The following TINAGL1 variants were observed in gnomAD, a reference collection of about 807,000 sequenced individuals.
TINAGL1 encodes the protein tubulointerstitial nephritis antigen like 1.
Under a neutral mutation model 62.0 loss-of-function variants are expected in TINAGL1, and 34 were observed. The ratio of observed to expected loss-of-function variants is 0.55; its 90% confidence interval spans 0.42 to 0.73. TINAGL1 has a LOEUF of 0.73. Ranked by LOEUF, TINAGL1 falls within the 30% of genes least tolerant of loss-of-function variation. The probability of loss-of-function intolerance (pLI) is 0.00; values close to 1 mark genes in which losing one functional copy is unlikely to be tolerated. For synonymous variants in TINAGL1, 221 were observed against 249.7 expected, an observed-to-expected ratio of 0.88 and a Z score of 1.08; for missense variants, 516 against 653.2, an observed-to-expected ratio of 0.79 and a Z score of 2.29.
At position 31,583,307 on chromosome 1, in the gene TINAGL1, T is replaced by C; in HGVS notation, c.467+66T>C. Reference sequence around the variant, plus strand: ...TACTCATGCATGTATACACGCATGCTGTGCTGTGGGGCACGTCCAGCAGGC... The same window carrying C: ...TACTCATGCATGTATACACGCATGCCGTGCTGTGGGGCACGTCCAGCAGGC... On this transcript the variant is annotated intron_variant, in intron 4 of 11. Transcript: ENST00000271064. This position sits in a 1 kb window ranked among gnomAD's most constrained non-coding sequence, Gnocchi z 4.4. 1 of 1,543,448 alleles carries C rather than the reference T, an allele frequency of 6.5e-7. No individual in the cohort carries two copies. Among genetic ancestry groups the C allele is most frequent in the Non-Finnish European group, 9.0e-7 (1 of 1,116,772 alleles).
In TINAGL1 at chr1:31,585,293, AACAATGACATCT is replaced by A; in HGVS notation, c.1003_1014del (p.Asn335_Tyr338del). 6.2e-7 allele frequency: 1 copy of A among 1,612,232 alleles called. No homozygotes were observed. The highest frequency in any genetic ancestry group is 8.5e-7 in the Non-Finnish European group (1 of 1,179,006). Reference sequence around the variant, plus strand: ...CCACTGCCCCAACAGCTATGTTAATAACAATGACATCTACCAGGTCACTCCTGTCTACCGCCT... The same window carrying A: ...CCACTGCCCCAACAGCTATGTTAATAACCAGGTCACTCCTGTCTACCGCCT... On this transcript the variant is annotated inframe_deletion, in exon 8 of 12. Coordinates refer to ENST00000271064, the MANE Select transcript of TINAGL1 (RefSeq NM_022164.3). This position sits in a 1 kb window ranked among gnomAD's most constrained non-coding sequence, Gnocchi z 4.3.
chr1:31,580,634 G>A, intron 3 of TINAGL1: 1 of 1,289,370 alleles, frequency 7.8e-7, no homozygotes, highest in Non-Finnish European at 1.0e-6. Flanking sequence ...CAGCCATACT[G>A]GGTCTTGGCT....
rs1248844868 is a variant in TINAGL1, at chr1:31,584,709, C to T, written c.614C>T (p.Thr205Ile). Residue 205 changes from threonine (T) to isoleucine (I), a missense_variant, in exon 6 of 12, where the codon ACA (threonine) becomes ATA (isoleucine). Physicochemically the swap from Thr to Ile is moderately conservative, Grantham distance 89. Transcript: ENST00000271064. This position sits in a 1 kb window ranked among gnomAD's most constrained non-coding sequence, Gnocchi z 4.0. ...CTGAACCCAGGGGAGGTGCTTCCCA[C>T]AGCCTTCGAGGCCTCTGAGAAGTGG... is the stretch of plus-strand genomic sequence containing the variant. ...TVLNPGEVLP[T>I]AFEASEKWPN... is the part of the protein sequence containing the mutation. The T allele has an allele frequency of 6.2e-7, 1 of 1,614,090 alleles. No homozygotes were observed. Among genetic ancestry groups the T allele is most frequent in the Admixed American group, 1.7e-5 (1 of 60,028 alleles).
chr1:31,587,121 TC>T lies in TINAGL1; in HGVS notation c.*144del. 1 of 1,243,868 alleles carries T rather than the reference TC, an allele frequency of 8.0e-7. No individual in the cohort carries two copies. The highest frequency in any genetic ancestry group is 1.0e-6 in the Non-Finnish European group (1 of 980,636). The allele number at this position is 1,243,868 out of a possible 1,614,324, so 77.1% of individuals were successfully genotyped here. A position where few individuals can be genotyped will look rare whatever the true frequency, so the allele number is the denominator to read the frequency against. On this transcript the variant is annotated 3_prime_UTR_variant, in exon 12 of 12. Transcript: ENST00000271064. The stretch of plus-strand genomic sequence containing the variant: ...CCAGGGCGCTAATCCCGGCGCGGGT[TC>T]CGCTGACGCAGCGCCCCGCCTGGGA...
chr1:31,586,743 G>A lies in TINAGL1; in HGVS notation c.1251G>A (p.Thr417=). ...AGGAGACGCTGCCAGATGGAAGGAC[G>A]CTCAAATACTGGGTGAGGCCGCTGA... is the stretch of plus-strand genomic sequence containing the variant. The part of the protein sequence containing the change: ...WGEETLPDGR[T]LKYWTAANSW... Residue 417 remains threonine (T), a synonymous_variant, in exon 11 of 12, where the codon ACG becomes ACA. Coordinates refer to ENST00000271064, the MANE Select transcript of TINAGL1 (RefSeq NM_022164.3). 1.9e-6 allele frequency: 3 copies of A among 1,555,222 alleles called. No homozygotes were observed. The highest frequency in any genetic ancestry group is 2.4e-5 in the South Asian group (2 of 84,232).
rs145163584 is a variant in TINAGL1, at chr1:31,583,550, C to T, written c.557C>T (p.Ser186Leu). ...CTGGGCACCATCCGCCCATCTTCCTCGGTCATGAACATGCATGAAATTTAT... is the reference window on the plus strand; with the variant it reads ...CTGGGCACCATCCGCCCATCTTCCTTGGTCATGAACATGCATGAAATTTAT... Reference protein sequence around the residue: ...YRLGTIRPSSSVMNMHEIYTV... With the variant: ...YRLGTIRPSSLVMNMHEIYTV... The change falls in exon 5 of 12, where the codon TCG becomes TTG. Residue 186 changes from serine to leucine, a missense_variant. Coordinates refer to ENST00000271064, the MANE Select transcript of TINAGL1 (RefSeq NM_022164.3). This position sits in a 1 kb window ranked among gnomAD's most constrained non-coding sequence, Gnocchi z 4.4. 410 of 1,613,612 alleles carry T rather than the reference C, an allele frequency of 2.5e-4. No individual in the cohort carries two copies. The highest frequency in any genetic ancestry group is 3.1e-4 in the Non-Finnish European group (366 of 1,179,944).
rs138221549 is a variant in TINAGL1, at chr1:31,584,716, C to T, written c.621C>T (p.Phe207=). 1.1e-5 allele frequency: 17 copies of T among 1,614,026 alleles called. No individual in the cohort carries two copies. The highest frequency in any genetic ancestry group is 2.7e-5 in the African/African-American group (2 of 74,948). Residue 207 remains phenylalanine, a synonymous_variant, in exon 6 of 12, where the codon TTC becomes TTT. Coordinates refer to ENST00000271064, the MANE Select transcript of TINAGL1 (RefSeq NM_022164.3). This position sits in a 1 kb window ranked among gnomAD's most constrained non-coding sequence, Gnocchi z 4.0. ...CAGGGGAGGTGCTTCCCACAGCCTT[C>T]GAGGCCTCTGAGAAGTGGCCCAACC... ...LNPGEVLPTA[F]EASEKWPNLI...
In TINAGL1 at chr1:31,584,710, A is replaced by T; in HGVS notation, c.615A>T (p.Thr205=). 6.2e-7 allele frequency: 1 copy of T among 1,614,108 alleles called. No homozygotes were observed. Among genetic ancestry groups the T allele is most frequent in the South Asian group, 1.1e-5 (1 of 91,082 alleles). The change falls in exon 6 of 12, where the codon ACA becomes ACT. Residue 205 remains threonine, a synonymous_variant. Transcript: ENST00000271064. The surrounding 1 kb of genome is among the most constrained non-coding windows in gnomAD (Gnocchi z 4.0). ...TVLNPGEVLP[T]AFEASEKWPN... ...TGAACCCAGGGGAGGTGCTTCCCAC[A>T]GCCTTCGAGGCCTCTGAGAAGTGGC...
Position 31,583,798 on chromosome 1 carries a change from A to G in TINAGL1, c.582+223A>G, listed in dbSNP as rs568933422. On this transcript the variant is annotated intron_variant, in intron 5 of 11. Coordinates refer to ENST00000271064, the MANE Select transcript of TINAGL1 (RefSeq NM_022164.3). The surrounding 1 kb of genome is among the most constrained non-coding windows in gnomAD (Gnocchi z 4.4). ...TCAGATTGAATTTCGTGGTCTTGGCATCAGCTCCCCCCTGATCTCTCCAGC... is the reference window on the plus strand; with the variant it reads ...TCAGATTGAATTTCGTGGTCTTGGCGTCAGCTCCCCCCTGATCTCTCCAGC... The G allele has an allele frequency of 3.5e-6, 2 of 571,136 alleles. No homozygotes were observed. Among genetic ancestry groups the G allele is most frequent in the Admixed American group, 3.0e-5 (1 of 33,772 alleles). The allele number at this position is 571,136 out of a possible 1,614,324, so 35.4% of individuals were successfully genotyped here. A position where few individuals can be genotyped will look rare whatever the true frequency, so the allele number is the denominator to read the frequency against.
intron 3 of TINAGL1, among the ~76,000 whole-genome samples, chr1:31,581,606 T>A (rs1275156796): frequency 6.6e-6 from 1 of 152,114 alleles, no homozygotes; most frequent in African/African-American, 2.4e-5. Flanking sequence ...TGTCAGAAGG[T>A]CAGTGGGATA....
In TINAGL1 at chr1:31,583,805, C is replaced by T. The variant is rs1032914233; in HGVS notation, c.582+230C>T. 1.8e-6 allele frequency: 1 copy of T among 554,082 alleles called. No homozygotes were observed. Among genetic ancestry groups the T allele is most frequent in the Non-Finnish European group, 3.3e-6 (1 of 307,152 alleles). 34.3% of individuals were successfully genotyped at this position (554,082 alleles called of 1,614,324 possible). On this transcript the variant is annotated intron_variant, in intron 5 of 11. Coordinates refer to ENST00000271064, the MANE Select transcript of TINAGL1 (RefSeq NM_022164.3). The surrounding 1 kb of genome is among the most constrained non-coding windows in gnomAD (Gnocchi z 4.4). Reference sequence around the variant, plus strand: ...GAATTTCGTGGTCTTGGCATCAGCTCCCCCCTGATCTCTCCAGCCTGGGAA... The same window carrying T: ...GAATTTCGTGGTCTTGGCATCAGCTTCCCCCTGATCTCTCCAGCCTGGGAA...
chr1:31,577,633 G>A lies in TINAGL1; in HGVS notation c.310+175G>A, dbSNP rs1639025289. 1.4e-6 allele frequency: 1 copy of A among 717,578 alleles called. No homozygotes were observed. 44.5% of individuals were successfully genotyped at this position (717,578 alleles called of 1,614,324 possible). A position where few individuals can be genotyped will look rare whatever the true frequency, so the allele number is the denominator to read the frequency against. ...TCCAGCAAGACTGAAGAAGCTCCTT[G>A]GTTAGAATTCTAATTTGGCCCAGGG... On this transcript the variant is annotated intron_variant, in intron 2 of 11. Transcript: ENST00000271064. This position sits in a 1 kb window ranked among gnomAD's most constrained non-coding sequence, Gnocchi z 5.4.
chr1:31,585,883 G>A lies in TINAGL1; in HGVS notation c.1217+7G>A. 1 of 1,575,392 alleles carries A rather than the reference G, an allele frequency of 6.3e-7. No individual in the cohort carries two copies. Among genetic ancestry groups the A allele is most frequent in the Non-Finnish European group, 8.6e-7 (1 of 1,159,758 alleles). The stretch of plus-strand genomic sequence containing the variant: ...ACTCAGTCAAGATCACAGGGTGAGG[G>A]GCGTGTGGGCAGAGGGGGTTTGGGA... On this transcript the variant is annotated splice_region_variant and intron_variant, in intron 10 of 11. Coordinates refer to ENST00000271064, the MANE Select transcript of TINAGL1 (RefSeq NM_022164.3). This position sits in a 1 kb window ranked among gnomAD's most constrained non-coding sequence, Gnocchi z 4.3.
At chr1:31,579,091 GAGAA>G (rs1297073041) in intron 2 of TINAGL1, 109 bp from the exon 3 acceptor site, 2 of 758,022 alleles carry the variant, frequency 2.6e-6, no homozygotes, top group Non-Finnish European at 4.7e-6. Flanking sequence ...GACAGAGAGA[GAGAA>G]AGAGAGAGAA....
At chr1:31,579,066 T>TCTTCA in intron 2 of TINAGL1, 138 bp from the exon 3 acceptor site, 2 of 677,110 alleles carry the variant, frequency 3.0e-6, no homozygotes, top group Non-Finnish European at 2.7e-6. Context: ...AGCTGGTATG[T>TCTTCA]GTGTGTGTGT....
At position 31,587,128 on chromosome 1, in the gene TINAGL1, A is replaced by T. The variant is rs966231181; in HGVS notation, c.*149A>T. 8.3e-7 allele frequency: 1 copy of T among 1,208,140 alleles called. No individual in the cohort carries two copies. The highest frequency in any genetic ancestry group is 4.1e-5 in the Admixed American group (1 of 24,640). 74.8% of individuals were successfully genotyped at this position (1,208,140 alleles called of 1,614,324 possible). A position where few individuals can be genotyped will look rare whatever the true frequency, so the allele number is the denominator to read the frequency against. ...GCTAATCCCGGCGCGGGTTCCGCTG[A>T]CGCAGCGCCCCGCCTGGGAGCCGCG... On this transcript the variant is annotated 3_prime_UTR_variant, in exon 12 of 12. Coordinates refer to ENST00000271064, the MANE Select transcript of TINAGL1 (RefSeq NM_022164.3).
At position 31,577,618 on chromosome 1, in the gene TINAGL1, C is replaced by G; in HGVS notation, c.310+160C>G. The G allele has an allele frequency of 3.9e-6, 3 of 770,614 alleles. No individual in the cohort carries two copies. The highest frequency in any genetic ancestry group is 6.0e-6 in the Non-Finnish European group (3 of 497,868). The allele number at this position is 770,614 out of a possible 1,614,324, so 47.7% of individuals were successfully genotyped here. On this transcript the variant is annotated intron_variant, in intron 2 of 11. Coordinates refer to ENST00000271064, the MANE Select transcript of TINAGL1 (RefSeq NM_022164.3). The surrounding 1 kb of genome is among the most constrained non-coding windows in gnomAD (Gnocchi z 5.4). ...CTGGGAACTTTACTCTCCAGCAAGA[C>G]TGAAGAAGCTCCTTGGTTAGAATTC...
At position 31,583,422 on chromosome 1, in the gene TINAGL1, C is replaced by A. The variant is rs377420559; in HGVS notation, c.468-39C>A. ...CACCCACGCCAAGGACCCTGAGCCT[C>A]GGCAGATCTGTGACTTCCTTCCGTC... On this transcript the variant is annotated intron_variant, in intron 4 of 11. Coordinates refer to ENST00000271064, the MANE Select transcript of TINAGL1 (RefSeq NM_022164.3). The surrounding 1 kb of genome is among the most constrained non-coding windows in gnomAD (Gnocchi z 4.4). 2.5e-6 allele frequency: 4 copies of A among 1,585,916 alleles called. No homozygotes were observed. Among genetic ancestry groups the A allele is most frequent in the Admixed American group, 3.4e-5 (2 of 58,096 alleles).
At chr1:31,586,683 C>T (rs755123685) in intron 10 of TINAGL1, 27 bp from the exon 11 acceptor site, 2 of 1,555,974 alleles carry the variant, frequency 1.3e-6, no homozygotes, top group South Asian at 2.4e-5. Context: ...ACCCAGCTCC[C>T]TTCCCCCTCC....
Sources: gnomAD v4.1 joint callset for allele counts (sites outside exome capture counted in the v4.1 genomes callset) on GRCh38, gnomAD v4.1.1 for gene constraint, Gnocchi (gnomAD v3.1) non-coding constraint, MANE v1.5 for transcripts, NCBI Gene and HGNC (gene_info 2026-07-23, HGNC 2026-07-21) for gene names.